Variants in MAPK6 observed in about 807,000 individuals in gnomAD.
MAPK6 encodes ERK-3.
Under a neutral mutation model 59.3 loss-of-function variants are expected in MAPK6, and 19 were observed. That is an observed-to-expected ratio of 0.32 (90% CI 0.22 to 0.47). The LOEUF (loss-of-function observed/expected upper bound fraction) is 0.47. Ranked by LOEUF, MAPK6 falls within the 20% of genes least tolerant of loss-of-function variation. The probability of loss-of-function intolerance (pLI) is 1.00; values close to 1 mark genes in which losing one functional copy is unlikely to be tolerated. For synonymous variants in MAPK6, 316 were observed against 290.3 expected (o/e 1.09, Z -0.90); for missense variants, 724 against 847.9 (o/e 0.85, Z 1.81).
chr15:52,005,815 C>G (rs1008150371), intron 3 of MAPK6, among the ~76,000 whole-genome samples: 1 of 152,104 alleles, frequency 6.6e-6, no homozygotes, highest in Admixed American at 6.5e-5. Flanking sequence ...TGCTGACTAC[C>G]GTTGGTGCCA....
intron 2 of MAPK6, among the ~76,000 whole-genome samples, chr15:52,002,867 G>A (rs1389430033): frequency 1.3e-5 from 2 of 152,140 alleles, no homozygotes; most frequent in Non-Finnish European, 2.9e-5. Context: ...GAGAGTGTAT[G>A]TGAAGGAGGA....
intron 1 of MAPK6, among the ~76,000 whole-genome samples, chr15:52,028,416 G>A (rs867927833): frequency 7.9e-5 from 12 of 152,154 alleles, no homozygotes; most frequent in African/African-American, 2.7e-4. Context: ...GACTTACCTC[G>A]TTCTTGCCTA....
At chr15:52,025,020 G>A (rs1217529792) in intron 1 of MAPK6, among the ~76,000 whole-genome samples, 1 of 151,102 alleles carries the variant, frequency 6.6e-6, no homozygotes, top group Admixed American at 6.7e-5. Flanking sequence ...CATTCAGTTT[G>A]AGAAGCACTG....
intron 1 of MAPK6, among the ~76,000 whole-genome samples, chr15:51,977,317 T>C (rs983033138): frequency 6.6e-6 from 1 of 151,598 alleles, no homozygotes; most frequent in African/African-American, 2.4e-5. Flanking sequence ...CATCTTAGAA[T>C]TCTGTACTCA....
chr15:52,061,172 C>G, intron 4 of MAPK6, 127 bp from the exon 5 acceptor site: 1 of 677,090 alleles, frequency 1.5e-6, no homozygotes, highest in Non-Finnish European at 2.6e-6. Flanking sequence ...TGCTCATTTC[C>G]TGTTGTGTAG....
At chr15:52,030,563 G>T (rs1237070905) in intron 1 of MAPK6, among the ~76,000 whole-genome samples, 1 of 143,110 alleles carries the variant, frequency 7.0e-6, no homozygotes, top group South Asian at 2.2e-4. Flanking sequence ...CTATACCAGC[G>T]TTAATTTCTT....
At chr15:52,052,676 T>C (rs1377241984) in intron 3 of MAPK6, among the ~76,000 whole-genome samples, 5 of 152,240 alleles carry the variant, frequency 3.3e-5, no homozygotes, top group Non-Finnish European at 5.9e-5. Flanking sequence ...GCTTCTTTCA[T>C]GTAGCAATAT....
At chr15:52,041,265 C>T (rs1402882221) in intron 1 of MAPK6, among the ~76,000 whole-genome samples, 1 of 152,142 alleles carries the variant, frequency 6.6e-6, no homozygotes, top group Admixed American at 6.5e-5. Context: ...GGCGCGATCT[C>T]GGCTCACAGC....
chr15:52,043,099 T>C (rs1044856804), intron 1 of MAPK6, among the ~76,000 whole-genome samples: 2 of 151,514 alleles, frequency 1.3e-5, no homozygotes, highest in South Asian at 2.1e-4. Flanking sequence ...GCCACTACAC[T>C]CTGGCCTGGA....
chr15:52,030,359 C>T (rs1240272350), intron 1 of MAPK6, among the ~76,000 whole-genome samples: 1 of 152,198 alleles, frequency 6.6e-6, no homozygotes, highest in Non-Finnish European at 1.5e-5. Context: ...GTGCCTGGCA[C>T]ATGCTAAGTG....
intron 2 of MAPK6, among the ~76,000 whole-genome samples, chr15:51,985,754 C>T (rs1459722622): frequency 6.6e-6 from 1 of 152,092 alleles, no homozygotes; most frequent in African/African-American, 2.4e-5. Context: ...GTCAGGACAT[C>T]AAGACCATCC....
chr15:51,998,947 C>A (rs559236114), intron 2 of MAPK6, among the ~76,000 whole-genome samples: 1 of 150,590 alleles, frequency 6.6e-6, no homozygotes, highest in African/African-American at 2.4e-5. Flanking sequence ...GCCTCAGCCT[C>A]CCAGAGTGCT....
intron 2 of MAPK6, among the ~76,000 whole-genome samples, chr15:52,002,911 G>A (rs766246965): frequency 1.3e-4 from 20 of 152,114 alleles, no homozygotes; most frequent in Admixed American, 5.9e-4. Context: ...TCAGATCACC[G>A]GGCGCGGTGG....
chr15:52,032,970 C>T (rs1453472327), intron 1 of MAPK6, among the ~76,000 whole-genome samples: 3 of 152,180 alleles, frequency 2.0e-5, no homozygotes, highest in African/African-American at 7.2e-5. Context: ...CAGGCGTGAG[C>T]CACCGCGCCC....
chr15:52,008,724 T>C (rs922781731), intron 3 of MAPK6, among the ~76,000 whole-genome samples: 1 of 152,188 alleles, frequency 6.6e-6, no homozygotes, highest in Non-Finnish European at 1.5e-5. Context: ...TGTAATGCCC[T>C]GGTTGTGGGA....
At chr15:52,025,190 G>A (rs796920645) in intron 1 of MAPK6, among the ~76,000 whole-genome samples, 73 of 152,092 alleles carry the variant, frequency 4.8e-4, no homozygotes, top group African/African-American at 1.7e-3. Flanking sequence ...GCAGTGAGCC[G>A]TGATCGCACC....
intron 2 of MAPK6, among the ~76,000 whole-genome samples, chr15:51,987,318 T>C (rs1210443873): frequency 1.3e-5 from 2 of 152,168 alleles, no homozygotes; most frequent in Non-Finnish European, 1.5e-5. Flanking sequence ...AAAATCCACC[T>C]ATTCAGGCTG....
intron 1 of MAPK6, among the ~76,000 whole-genome samples, chr15:52,030,562 C>T (rs149140298): frequency 6.4e-5 from 9 of 139,602 alleles, no homozygotes; most frequent in African/African-American, 1.6e-4. Flanking sequence ...ACTATACCAG[C>T]GTTAATTTCT....
At chr15:52,043,742 A>ATTTTTTTTTTTTTTTTTTTTT (rs71130125) in intron 1 of MAPK6, among the ~76,000 whole-genome samples, 2 of 40,632 alleles carry the variant, frequency 4.9e-5, no homozygotes, top group Admixed American at 4.0e-4. Flanking sequence ...AAGTTGTTTG[A>ATTTTTTTTTTTTTTTTTTTTT]TTTTTTTTTT....
Sources: allele counts gnomAD v4.1 joint callset (sites outside exome capture counted in the v4.1 genomes callset), GRCh38; gene constraint gnomAD v4.1.1; transcripts MANE v1.5; gene names NCBI Gene and HGNC (gene_info 2026-07-23, HGNC 2026-07-21).